The following TROAP variants were observed in gnomAD, a reference collection of about 807,000 sequenced individuals.
TROAP encodes the protein tastin.
TROAP carries 62 observed loss-of-function variants against 83.4 expected under a neutral mutation model. The observed-to-expected ratio is 0.74, with a 90% CI of 0.61 to 0.92. The LOEUF (loss-of-function observed/expected upper bound fraction) is 0.92. Among genes scored for constraint, TROAP ranks in the 40% least tolerant of loss-of-function variants. TROAP has a pLI of 0.00. For missense variants in TROAP, 876 were observed against 985.1 expected (o/e 0.89, Z 1.48); for synonymous variants, 352 against 386.4 (o/e 0.91, Z 1.04).
chr12:49,330,166 C>G lies in TROAP; in HGVS notation c.1321C>G (p.Leu441Val). ...KIQRIGILQQ[L>V]LRQEVEGLVG... The stretch of plus-strand genomic sequence containing the variant: ...ACAGCGCATCGGTATCCTGCAACAG[C>G]TGTTGAGACAGGAAGTAGAGGGGCT... Residue 441 changes from leucine to valine, a missense_variant, in exon 13 of 15, where the codon CTG becomes GTG. Physicochemically the swap from Leu to Val is conservative, Grantham distance 32. Around this residue, in one of 3 missense-constraint regions of TROAP, gnomAD observed 689 missense variants for 722.6 expected, o/e 0.95. Coordinates refer to ENST00000257909, the MANE Select transcript of TROAP (RefSeq NM_005480.4). 1 of 1,613,874 alleles carries G rather than the reference C, an allele frequency of 6.2e-7. No homozygotes were observed. The highest frequency in any genetic ancestry group is 8.5e-7 in the Non-Finnish European group (1 of 1,179,848).
chr12:49,329,489 T>G lies in TROAP; in HGVS notation c.1164+35T>G, dbSNP rs771326407. ...AGAAGCTTCCCCCTACTGAGATCCC[T>G]TGCCCTGTGCTGCCAGCCTGGAGGC... On this transcript the variant is annotated intron_variant, in intron 11 of 14. Coordinates refer to ENST00000257909, the MANE Select transcript of TROAP (RefSeq NM_005480.4). This position sits in a 1 kb window ranked among gnomAD's most constrained non-coding sequence, Gnocchi z 4.5. 1.3e-6 allele frequency: 2 copies of G among 1,577,802 alleles called. No homozygotes were observed. The highest frequency in any genetic ancestry group is 3.7e-5 in the Admixed American group (2 of 54,612).
At position 49,326,648 on chromosome 12, in the gene TROAP, A is replaced by G; in HGVS notation, c.717-20A>G. The G allele has an allele frequency of 6.4e-7, 1 of 1,552,778 alleles. No homozygotes were observed. The highest frequency in any genetic ancestry group is 8.7e-7 in the Non-Finnish European group (1 of 1,147,212). ...ACTTGGTATTCAGTGACTGCTGGCT[A>G]ATGTCCTTATTGTCATCAGGACTTC... On this transcript the variant is annotated intron_variant, in intron 6 of 14. Coordinates refer to ENST00000257909, the MANE Select transcript of TROAP (RefSeq NM_005480.4).
intron 4 of TROAP, 34 bp from the exon 5 acceptor site, chr12:49,325,713 T>C: frequency 6.2e-7 from 1 of 1,613,040 alleles, no homozygotes. Flanking sequence ...GGGGGCATCC[T>C]GAGCAGTGCT....
chr12:49,329,680 G>A lies in TROAP; in HGVS notation c.1165-177G>A. 3.5e-6 allele frequency: 4 copies of A among 1,127,824 alleles called. No individual in the cohort carries two copies. In the Admixed American group the frequency reaches 9.3e-5, roughly 26 times the overall value. The allele number at this position is 1,127,824 out of a possible 1,614,324, so 69.9% of individuals were successfully genotyped here. ...GTCTCCACTAAAATTTTAAAAATTA[G>A]AAAGTGCTCTCTGGAAAAGCTGCCT... On this transcript the variant is annotated intron_variant, in intron 11 of 14. Transcript: ENST00000257909. This position sits in a 1 kb window ranked among gnomAD's most constrained non-coding sequence, Gnocchi z 4.5.
Position 49,331,358 on chromosome 12 carries a change from G to T in TROAP, c.2243G>T (p.Arg748Leu). 1 of 1,614,128 alleles carries T rather than the reference G, an allele frequency of 6.2e-7. No individual in the cohort carries two copies. Among genetic ancestry groups the T allele is most frequent in the Non-Finnish European group, 8.5e-7 (1 of 1,180,016 alleles). The change falls in exon 14 of 15, where the codon CGG (arginine) becomes CTG (leucine). Residue 748 changes from arginine to leucine, a missense_variant. By Grantham distance (102) the Arg-to-Leu change is moderately radical (BLOSUM62 -2). Coordinates refer to ENST00000257909, the MANE Select transcript of TROAP (RefSeq NM_005480.4). ...CGAGCCCCTCCCTCAGGCCCCACCC[G>T]GGTCTGCACCAACCCTGTGGCTACA... Reference protein sequence around the residue: ...TSRAPPSGPTRVCTNPVATLL... With the variant: ...TSRAPPSGPTLVCTNPVATLL...
At position 49,330,389 on chromosome 12, in the gene TROAP, GC is replaced by G; in HGVS notation, c.1547del (p.Pro516LeufsTer41). On this transcript the variant is annotated frameshift_variant, in exon 13 of 15. Coordinates refer to ENST00000257909, the MANE Select transcript of TROAP (RefSeq NM_005480.4). LOFTEE classifies it high-confidence loss of function. ...LPEECGEPQP[C>X]PPAEPGPPEA... Reference sequence around the variant, plus strand: ...GAGGAGTGCGGGGAACCACAGCCCTGCCCTCCGGCAGAGCCTGGGCCCCCAG... The same window carrying G: ...GAGGAGTGCGGGGAACCACAGCCCTGCCTCCGGCAGAGCCTGGGCCCCCAG... 6.2e-7 allele frequency: 1 copy of G among 1,614,148 alleles called. No individual in the cohort carries two copies. Among genetic ancestry groups the G allele is most frequent in the South Asian group, 1.1e-5 (1 of 91,090 alleles).
chr12:49,324,291 G>A, intron 3 of TROAP: 1 of 1,356,482 alleles, frequency 7.4e-7, no homozygotes, highest in African/African-American at 1.4e-5. Flanking sequence ...AGGATCACTG[G>A]AGGCCAGGAG....
chr12:49,324,275 A>C, intron 3 of TROAP: 2 of 1,511,358 alleles, frequency 1.3e-6, no homozygotes, highest in Non-Finnish European at 1.8e-6. Context: ...AGGAGGCTGA[A>C]GCAGGAGGAT....
In TROAP at chr12:49,325,632, C is replaced by G. The variant is rs369422545; in HGVS notation, c.469C>G (p.Gln157Glu). Residue 157 changes from glutamine to glutamate, a missense_variant, in exon 4 of 15, where the codon CAG (glutamine) becomes GAG (glutamate). By Grantham distance (29) the Gln-to-Glu change is conservative. Transcript: ENST00000257909. ...LAKRVLVRGS[Q>E]GGTTQRVQGV... Reference sequence around the variant, plus strand: ...TAAAAGAGTACTGGTTCGAGGAAGTCAGGGAGGCACCACCCAGAGGGTCCA... The same window carrying G: ...TAAAAGAGTACTGGTTCGAGGAAGTGAGGGAGGCACCACCCAGAGGGTCCA... 1.2e-6 allele frequency: 2 copies of G among 1,613,670 alleles called. No homozygotes were observed. The highest frequency in any genetic ancestry group is 2.2e-5 in the East Asian group (1 of 44,872).
rs1380211541 is a variant in TROAP at position 49,331,534 on chromosome 12, A to G, written c.2293-39A>G. The stretch of plus-strand genomic sequence containing the variant: ...AGCAGGAAGGCTTGGCTACAGTGCA[A>G]GGTTGGCTGAGCTGTGACAAGGTCT... On this transcript the variant is annotated intron_variant, in intron 14 of 14. Coordinates refer to ENST00000257909, the MANE Select transcript of TROAP (RefSeq NM_005480.4). 1.9e-6 allele frequency: 3 copies of G among 1,614,014 alleles called. No homozygotes were observed. The Admixed American group carries it at 5.0e-5, about 27-fold the overall frequency.
At chr12:49,325,093 G>GT (rs1943477532) in intron 3 of TROAP, among the ~76,000 whole-genome samples, 1 of 150,630 alleles carries the variant, frequency 6.6e-6, no homozygotes, top group Non-Finnish European at 1.5e-5. Flanking sequence ...TTTTGTTTTT[G>GT]TTTTTTGTAG....
At position 49,324,134 on chromosome 12, in the gene TROAP, G is replaced by C. The variant is rs61536931; in HGVS notation, c.337+97G>C. 9.7e-3 allele frequency: 15,610 copies of C among 1,614,086 alleles called. 1,276 individuals are homozygous for C. The African/African-American group carries it at 0.18, about 19-fold the overall frequency. ...TTGGGGTTTTGCACTCACTCCTGCT[G>C]TCTCCTACTTACTGTGATAGTCCTG... On this transcript the variant is annotated intron_variant, in intron 3 of 14. Coordinates refer to ENST00000257909, the MANE Select transcript of TROAP (RefSeq NM_005480.4).
chr12:49,328,840 G>A, intron 8 of TROAP, 87 bp from the exon 9 acceptor site: 2 of 1,480,386 alleles, frequency 1.4e-6, no homozygotes, highest in Non-Finnish European at 1.8e-6. Flanking sequence ...CTCCATCCTG[G>A]GTGACAGAGC....
In TROAP at chr12:49,326,727, G is replaced by A. The variant is rs1345240887; in HGVS notation, c.769+7G>A. ...GAGACCCCAGTCCAGCCTGGTAAGTGTTTCTGGCGTGGGGAGAGAACAGGG... is the reference window on the plus strand; with the variant it reads ...GAGACCCCAGTCCAGCCTGGTAAGTATTTCTGGCGTGGGGAGAGAACAGGG... On this transcript the variant is annotated splice_region_variant and intron_variant, in intron 7 of 14. Transcript: ENST00000257909. 6.4e-7 allele frequency: 1 copy of A among 1,560,218 alleles called. No homozygotes were observed. Among genetic ancestry groups the A allele is most frequent in the South Asian group, 1.2e-5 (1 of 84,760 alleles).
At chr12:49,331,528 A>G in intron 14 of TROAP, 45 bp from the exon 15 acceptor site, 1 of 1,614,076 alleles carries the variant, frequency 6.2e-7, no homozygotes, top group Non-Finnish European at 8.5e-7. Flanking sequence ...GCTTGGCTAC[A>G]GTGCAAGGTT....
chr12:49,329,839 CTTG>C lies in TROAP; in HGVS notation c.1165-15_1165-13del. Reference sequence around the variant, plus strand: ...GCCCCAGCCTGGCTTGCTTGTGTGCCTTGTTCCTTGGTGACAGGAGCAGGTTGC... The same window carrying C: ...GCCCCAGCCTGGCTTGCTTGTGTGCCTTCCTTGGTGACAGGAGCAGGTTGC... On this transcript the variant is annotated splice_polypyrimidine_tract_variant and intron_variant, in intron 11 of 14. Transcript: ENST00000257909. This position sits in a 1 kb window ranked among gnomAD's most constrained non-coding sequence, Gnocchi z 4.5. The C allele has an allele frequency of 6.2e-7, 1 of 1,612,796 alleles. No individual in the cohort carries two copies. Among genetic ancestry groups the C allele is most frequent in the Non-Finnish European group, 8.5e-7 (1 of 1,179,210 alleles).
In TROAP at chr12:49,324,093, G is replaced by T. The variant is rs141447280; in HGVS notation, c.337+56G>T. On this transcript the variant is annotated intron_variant, in intron 3 of 14. Transcript: ENST00000257909. ...CCATGGCTGAGTAGGGGACTAGGAAGGGTAAAAGTGGGGTTTTGGGGTTTT... is the reference window on the plus strand; with the variant it reads ...CCATGGCTGAGTAGGGGACTAGGAATGGTAAAAGTGGGGTTTTGGGGTTTT... 3 of 1,613,260 alleles carry T rather than the reference G, an allele frequency of 1.9e-6. No individual in the cohort carries two copies. The South Asian group carries it at 3.3e-5, about 18-fold the overall frequency.
chr12:49,325,376 A>G, intron 3 of TROAP, 125 bp from the exon 4 acceptor site: 1 of 1,081,156 alleles, frequency 9.2e-7, no homozygotes, highest in South Asian at 1.9e-5. Flanking sequence ...TAAAAAAAAA[A>G]AAAAAAATAA....
rs750201147 is a variant in TROAP at position 49,329,835 on chromosome 12, G to A, written c.1165-22G>A. The A allele has an allele frequency of 1.8e-5, 29 of 1,611,938 alleles. No homozygotes were observed. In the Admixed American group the frequency reaches 4.8e-4, roughly 27 times the overall value. On this transcript the variant is annotated intron_variant, in intron 11 of 14. Transcript: ENST00000257909. The surrounding 1 kb of genome is among the most constrained non-coding windows in gnomAD (Gnocchi z 4.5). ...TCCTGCCCCAGCCTGGCTTGCTTGT[G>A]TGCCTTGTTCCTTGGTGACAGGAGC...
Sources: allele counts gnomAD v4.1 joint callset (sites outside exome capture counted in the v4.1 genomes callset), GRCh38; gene constraint gnomAD v4.1.1; regional missense constraint gnomAD v4.1.1; non-coding constraint Gnocchi (gnomAD v3.1); transcripts MANE v1.5; gene names NCBI Gene and HGNC (gene_info 2026-07-23, HGNC 2026-07-21).